Variants in RBBP4 observed in about 807,000 individuals in gnomAD.
RBBP4 encodes RB binding protein 4, chromatin remodeling factor.
Under a neutral mutation model 57.2 loss-of-function variants are expected in RBBP4, and 3 were observed. The ratio of observed to expected loss-of-function variants is 0.05; its 90% confidence interval spans 0.02 to 0.14. The LOEUF (loss-of-function observed/expected upper bound fraction) is 0.14, where lower values mean the gene tolerates loss of function less well. Among genes scored for constraint, RBBP4 ranks in the 10% least tolerant of loss-of-function variants. RBBP4 has a pLI of 1.00. For synonymous variants in RBBP4, 151 were observed against 171.5 expected (o/e 0.88, Z 0.93); for missense variants, 107 against 520.6 (o/e 0.21, Z 7.73).
At chr1:32,668,117 T>A in intron 3 of RBBP4, 108 bp from the exon 4 acceptor site, 1 of 1,007,238 alleles carries the variant, frequency 9.9e-7, no homozygotes, top group Non-Finnish European at 1.4e-6. Flanking sequence ...TCTAGTATTA[T>A]GCCAGTTTGT....
At chr1:32,661,380 C>T (rs545494235) in intron 3 of RBBP4, among the ~76,000 whole-genome samples, 4 of 145,722 alleles carry the variant, frequency 2.7e-5, no homozygotes, top group Non-Finnish European at 4.5e-5. Flanking sequence ...CTGCACTCTC[C>T]GCCTCCCAGG....
chr1:32,684,408 C>T lies in RBBP4; in HGVS notation c.*4703C>T. ...CTGCATGAGATGGCCAAGAACATTTCTAATGAGCCAAACAATAAAAACTCA... is the reference window on the plus strand; with the variant it reads ...CTGCATGAGATGGCCAAGAACATTTTTAATGAGCCAAACAATAAAAACTCA... On this transcript the variant is annotated 3_prime_UTR_variant, in exon 12 of 12. Coordinates refer to ENST00000373493, the MANE Select transcript of RBBP4 (RefSeq NM_005610.3). 2 of 1,613,794 alleles carry T rather than the reference C, an allele frequency of 1.2e-6. No homozygotes were observed. The highest frequency in any genetic ancestry group is 4.5e-5 in the East Asian group (2 of 44,866).
intron 2 of RBBP4, 155 bp downstream of exon 2, chr1:32,652,216 CAA>C: frequency 1.1e-6 from 1 of 871,396 alleles, no homozygotes; most frequent in East Asian, 2.6e-5. Context: ...GGCAAAATAA[CAA>C]AATGATTTTG....
intron 8 of RBBP4, among the ~76,000 whole-genome samples, chr1:32,672,148 C>T (rs1465595375): frequency 2.0e-5 from 3 of 151,970 alleles, no homozygotes; most frequent in African/African-American, 2.4e-5. Flanking sequence ...TGCCACCACA[C>T]CCAGCTAATT....
rs1043987839 is a variant in RBBP4 at position 32,669,620 on chromosome 1, G to T, written c.966+57G>T. 4 of 1,558,744 alleles carry T rather than the reference G, an allele frequency of 2.6e-6. No individual in the cohort carries two copies. Among genetic ancestry groups the T allele is most frequent in the African/African-American group, 2.8e-5 (2 of 72,558 alleles). On this transcript the variant is annotated intron_variant, in intron 8 of 11. Coordinates refer to ENST00000373493, the MANE Select transcript of RBBP4 (RefSeq NM_005610.3). This position sits in a 1 kb window ranked among gnomAD's most constrained non-coding sequence, Gnocchi z 4.9. Reference sequence around the variant, plus strand: ...TTTTAAGAAAAACCTGCTGGGCGCGGTCGCTCACGCCTGTAATCCCAGCAC... The same window carrying T: ...TTTTAAGAAAAACCTGCTGGGCGCGTTCGCTCACGCCTGTAATCCCAGCAC...
chr1:32,658,650 G>A (rs1002805806), intron 3 of RBBP4, among the ~76,000 whole-genome samples: 16 of 150,942 alleles, frequency 1.1e-4, no homozygotes, highest in Non-Finnish European at 2.4e-4. Flanking sequence ...AGGTTCAAGC[G>A]ATTCTCCTGC....
rs1379761522 is a variant in RBBP4, at chr1:32,685,855, T to G, written c.*6150T>G. 6.6e-6 allele frequency: 1 copy of G among 152,250 alleles called. No individual in the cohort carries two copies. The highest frequency in any genetic ancestry group is 1.5e-5 in the Non-Finnish European group (1 of 68,050). 9.4% of individuals were successfully genotyped at this position (152,250 alleles called of 1,614,324 possible). ...CTACAGTGGCATTAAGGATGGTCTC[T>G]TAATCCTGTGTTAACCACTAGATTA... On this transcript the variant is annotated 3_prime_UTR_variant, in exon 12 of 12. Coordinates refer to ENST00000373493, the MANE Select transcript of RBBP4 (RefSeq NM_005610.3).
At chr1:32,671,023 A>G (rs1570862485) in intron 8 of RBBP4, among the ~76,000 whole-genome samples, 1 of 152,272 alleles carries the variant, frequency 6.6e-6, no homozygotes, top group East Asian at 1.9e-4. Context: ...CTGGTCACTA[A>G]TGCCCTCTTT....
Position 32,681,192 on chromosome 1 carries a change from G to T in RBBP4, c.*1487G>T, listed in dbSNP as rs1207297688. The T allele has an allele frequency of 6.6e-6, 1 of 152,292 alleles. No individual in the cohort carries two copies. Among genetic ancestry groups the T allele is most frequent in the African/African-American group, 2.4e-5 (1 of 41,388 alleles). 9.4% of individuals were successfully genotyped at this position (152,292 alleles called of 1,614,324 possible). ...TTCTGACCCAGAACTACTTTCATGA[G>T]GTAAGATCTTTGGGAAAATCTGAAT... On this transcript the variant is annotated 3_prime_UTR_variant, in exon 12 of 12. Transcript: ENST00000373493.
At position 32,660,426 on chromosome 1, in the gene RBBP4, A is replaced by ATTTTTATTTATTT. The variant is rs1553194488; in HGVS notation, c.310+2859_310+2860insATTTATTTTTTTT. 2.7e-4 allele frequency among the ~76,000 whole-genome samples: 4 copies of ATTTTTATTTATTT among 14,634 alleles called. No individual in the cohort carries two copies. In the East Asian group the frequency reaches 9.3e-3, roughly 34 times the overall value. The allele number at this position is 14,634 out of a possible 152,430, so 9.6% of individuals were successfully genotyped here. ...ACCTGGATTTTTATTTTATTTATTT[A>ATTTTTATTTATTT]TTTTTTTTGAGTCGGAGTCTGGCTC... On this transcript the variant is annotated intron_variant, in intron 3 of 11. Coordinates refer to ENST00000373493, the MANE Select transcript of RBBP4 (RefSeq NM_005610.3).
Position 32,684,596 on chromosome 1 carries a change from C to T in RBBP4, c.*4891C>T. On this transcript the variant is annotated 3_prime_UTR_variant, in exon 12 of 12. Transcript: ENST00000373493. ...TTGAAAATGATGACGAAAAAGGCATCTTGTCTGTTAACCACAGCTTGCTTT... is the reference window on the plus strand; with the variant it reads ...TTGAAAATGATGACGAAAAAGGCATTTTGTCTGTTAACCACAGCTTGCTTT... 3.2e-6 allele frequency: 2 copies of T among 615,938 alleles called. No homozygotes were observed. The highest frequency in any genetic ancestry group is 4.1e-5 in the South Asian group (2 of 49,172). The allele number at this position is 615,938 out of a possible 1,614,324, so 38.2% of individuals were successfully genotyped here.
At chr1:32,653,802 G>A (rs1648015712) in intron 2 of RBBP4, among the ~76,000 whole-genome samples, 1 of 151,582 alleles carries the variant, frequency 6.6e-6, no homozygotes, top group South Asian at 2.1e-4. Context: ...GGGACTACAG[G>A]TGCCGGCCAC....
chr1:32,656,576 TC>T (rs1297480591), intron 2 of RBBP4, among the ~76,000 whole-genome samples: 1 of 152,166 alleles, frequency 6.6e-6, no homozygotes, highest in Non-Finnish European at 1.5e-5. Flanking sequence ...GGTCTCGAAT[TC>T]CTGACCTCAA....
At chr1:32,664,149 T>C (rs1648547706) in intron 3 of RBBP4, among the ~76,000 whole-genome samples, 1 of 152,112 alleles carries the variant, frequency 6.6e-6, no homozygotes, top group Non-Finnish European at 1.5e-5. Flanking sequence ...AGCATAGTCT[T>C]GATCTCCTGA....
chr1:32,653,660 G>GTTTTTTTTTTTTTTTTTTTT (rs1570831254), intron 2 of RBBP4, among the ~76,000 whole-genome samples: 4 of 45,056 alleles, frequency 8.9e-5, no homozygotes, highest in Non-Finnish European at 1.6e-4. Flanking sequence ...TTTTTTTTTT[G>GTTTTTTTTTTTTTTTTTTTT]TTTTTGTTTT....
chr1:32,674,939 A>G (rs963964701), intron 11 of RBBP4, among the ~76,000 whole-genome samples: 3 of 151,686 alleles, frequency 2.0e-5, no homozygotes, highest in South Asian at 2.1e-4. Context: ...GGGTTTCACC[A>G]TGTTGGTCAG....
rs187363881 is a variant in RBBP4 at position 32,658,434 on chromosome 1, A to G, written c.310+862A>G. Among the ~76,000 whole-genome samples the G allele has an allele frequency of 3.4e-3, 511 of 152,058 alleles. 3 individuals are homozygous for G. Among genetic ancestry groups the G allele is most frequent in the Non-Finnish European group, 5.3e-3 (360 of 68,014 alleles). On this transcript the variant is annotated intron_variant, in intron 3 of 11. Coordinates refer to ENST00000373493, the MANE Select transcript of RBBP4 (RefSeq NM_005610.3). The stretch of plus-strand genomic sequence containing the variant: ...AGGTTTAAAGTGGTAGAAATGACTT[A>G]ACCATGGCACTCTCTATGTGTATAG...
In RBBP4 at chr1:32,669,620, G is replaced by C; in HGVS notation, c.966+57G>C. The C allele has an allele frequency of 6.4e-7, 1 of 1,558,862 alleles. No individual in the cohort carries two copies. The highest frequency in any genetic ancestry group is 8.6e-7 in the Non-Finnish European group (1 of 1,156,334). ...TTTTAAGAAAAACCTGCTGGGCGCG[G>C]TCGCTCACGCCTGTAATCCCAGCAC... On this transcript the variant is annotated intron_variant, in intron 8 of 11. Transcript: ENST00000373493. This position sits in a 1 kb window ranked among gnomAD's most constrained non-coding sequence, Gnocchi z 4.9.
chr1:32,655,166 A>T (rs572555333), intron 2 of RBBP4, among the ~76,000 whole-genome samples: 3 of 151,196 alleles, frequency 2.0e-5, no homozygotes, highest in Middle Eastern at 3.4e-3. Context: ...TTTTTGAAAA[A>T]TTTTTTTGCT....
Sources: allele counts gnomAD v4.1 joint callset (sites outside exome capture counted in the v4.1 genomes callset), GRCh38; gene constraint gnomAD v4.1.1; non-coding constraint Gnocchi (gnomAD v3.1); transcripts MANE v1.5; gene names NCBI Gene and HGNC (gene_info 2026-07-23, HGNC 2026-07-21).